DAB1: variants seen among roughly 807,000 people sequenced by gnomAD.
The protein encoded by DAB1 is DAB adaptor protein 1, also known as disabled homolog 1.
DAB1 carries 15 observed loss-of-function variants against 64.6 expected under a neutral mutation model. The ratio of observed to expected loss-of-function variants is 0.23; its 90% CI spans 0.16 to 0.36. The LOEUF (loss-of-function observed/expected upper bound fraction) is 0.36, where lower values mean the gene tolerates loss of function less well. Among genes scored for constraint, DAB1 ranks in the 10% least tolerant of loss-of-function variants. The pLI, the probability that DAB1 is intolerant of heterozygous loss-of-function variation, is 1.00. For missense variants in DAB1, 596 were observed against 706.7 expected (o/e 0.84, Z 1.78); for synonymous variants, 235 against 251.9 (o/e 0.93, Z 0.64).
chr1:57,516,366 C>T (rs576360127), intron 7 of DAB1, among the ~76,000 whole-genome samples: 1 of 152,274 alleles, frequency 6.6e-6, no homozygotes, highest in Non-Finnish European at 1.5e-5. Context: ...GAAGATTATA[C>T]AGAAGATATG....
At chr1:57,307,837 A>T (rs1297464662) in intron 1 of DAB1, among the ~76,000 whole-genome samples, 1 of 152,042 alleles carries the variant, frequency 6.6e-6, no homozygotes, top group Non-Finnish European at 1.5e-5. Context: ...AATTCAATCT[A>T]GACCACACCT....
chr1:58,409,784 A>G (rs1644649582), intron 3 of DAB1, among the ~76,000 whole-genome samples: 1 of 152,208 alleles, frequency 6.6e-6, no homozygotes, highest in Admixed American at 6.5e-5. Flanking sequence ...GAGGCCAAGG[A>G]CACTGAGCAC....
chr1:58,124,845 A>C (rs1363145268), intron 5 of DAB1, among the ~76,000 whole-genome samples: 1 of 152,236 alleles, frequency 6.6e-6, no homozygotes, highest in Non-Finnish European at 1.5e-5. Context: ...GAGATCACAC[A>C]CATAAAACAA....
chr1:57,977,165 C>A (rs1162907590), intron 5 of DAB1, among the ~76,000 whole-genome samples: 1 of 152,166 alleles, frequency 6.6e-6, no homozygotes, highest in Non-Finnish European at 1.5e-5. Flanking sequence ...TCCTATGCCT[C>A]AGCCAATCAG....
In DAB1 at chr1:58,374,103, C is replaced by G. The variant is rs1339391967; in HGVS notation, n.258-30700G>C. On this transcript the variant is annotated intron_variant and non_coding_transcript_variant, in intron 3 of 20. Transcript: ENST00000485760. ...CGCCCTTTGTCAGATGAGTAGGTTG[C>G]AAAAATTTTCTCCCGTGTTGTAGGT... 3.0e-5 allele frequency among the ~76,000 whole-genome samples: 2 copies of G among 66,422 alleles called. 1 individual carries two copies. Among genetic ancestry groups the G allele is most frequent in the Non-Finnish European group, 6.5e-5 (2 of 30,582 alleles). 43.6% of individuals were successfully genotyped at this position (66,422 alleles called of 152,430 possible). A position where few individuals can be genotyped will look rare whatever the true frequency, so the allele number is the denominator to read the frequency against.
intron 6 of DAB1, among the ~76,000 whole-genome samples, chr1:57,750,566 C>T (rs989044030): frequency 9.9e-5 from 15 of 152,278 alleles, no homozygotes; most frequent in African/African-American, 3.4e-4. Context: ...CTATCCCAGT[C>T]CCTAGATTGC....
intron 3 of DAB1, among the ~76,000 whole-genome samples, chr1:58,443,726 G>A (rs1251964213): frequency 6.6e-6 from 1 of 152,166 alleles, no homozygotes; most frequent in Non-Finnish European, 1.5e-5. Context: ...AAAGAGCAAA[G>A]TATAAAATAG....
At position 58,187,238 on chromosome 1, in the gene DAB1, C is replaced by T. The variant is rs151315030; in HGVS notation, n.310-36650G>A. On this transcript the variant is annotated intron_variant and non_coding_transcript_variant, in intron 4 of 20. Transcript: ENST00000485760. ...CTTTGGGAGGCTGAGGCAGGAGGAT[C>T]GCTCAAAGCCAGGAGTTCAAGTCCA... is the stretch of plus-strand genomic sequence containing the variant. 3.6e-4 allele frequency among the ~76,000 whole-genome samples: 55 copies of T among 151,164 alleles called. 1 individual carries two copies. In the East Asian group the frequency reaches 3.7e-3, roughly 10 times the overall value.
chr1:57,177,369 T>G (rs549215151), intron 2 of DAB1, among the ~76,000 whole-genome samples: 139 of 152,290 alleles, frequency 9.1e-4, no homozygotes, highest in Middle Eastern at 6.8e-3. Context: ...GCATTTGCTT[T>G]TCTCTTGTTA....
chr1:58,466,994 C>T (rs569616758), intron 3 of DAB1, among the ~76,000 whole-genome samples: 208 of 152,272 alleles, frequency 1.4e-3, no homozygotes, highest in Middle Eastern at 6.8e-3. Context: ...AGCAGATCTG[C>T]GGCTTGCCTT....
At chr1:58,171,350 A>T (rs1289245065) in intron 4 of DAB1, among the ~76,000 whole-genome samples, 1 of 152,200 alleles carries the variant, frequency 6.6e-6, no homozygotes, top group South Asian at 2.1e-4. Context: ...ATTACAGGAT[A>T]TTGTTAAACA....
At chr1:57,069,454 G>A (rs766315954) in intron 7 of DAB1, 29 bp from the exon 8 acceptor site, 4 of 1,585,214 alleles carry the variant, frequency 2.5e-6, no homozygotes, top group South Asian at 1.1e-5. Flanking sequence ...GAAAGGAAAG[G>A]TCAGAGGTGA....
chr1:57,612,923 C>T (rs1236152562), intron 7 of DAB1, among the ~76,000 whole-genome samples: 3 of 152,084 alleles, frequency 2.0e-5, no homozygotes, highest in Non-Finnish European at 4.4e-5. Flanking sequence ...GGTATGTGTA[C>T]ATGGGTGTCT....
At chr1:57,032,203 C>T (rs1646985524) in intron 9 of DAB1, among the ~76,000 whole-genome samples, 1 of 152,200 alleles carries the variant, frequency 6.6e-6, no homozygotes, top group African/African-American at 2.4e-5. Flanking sequence ...CACCTTCTCA[C>T]AGACCCATTC....
chr1:58,434,412 G>GA (rs35881373), intron 3 of DAB1, among the ~76,000 whole-genome samples: 32,450 of 140,192 alleles, frequency 0.23, 3,738 homozygotes, highest in Non-Finnish European at 0.28. Flanking sequence ...ATGAGAAAAA[G>GA]AAAAAAAAAA....
At chr1:58,482,275 T>C (rs916617635) in intron 3 of DAB1, among the ~76,000 whole-genome samples, 7 of 152,114 alleles carry the variant, frequency 4.6e-5, no homozygotes, top group Non-Finnish European at 7.4e-5. Context: ...AGTTAGAATG[T>C]AGCAACATAA....
At chr1:57,790,307 GC>G (rs1449621874) in intron 6 of DAB1, among the ~76,000 whole-genome samples, 1 of 152,162 alleles carries the variant, frequency 6.6e-6, no homozygotes, top group Admixed American at 6.5e-5. Context: ...TTTACAAGGG[GC>G]TTTCCCCGTG....
chr1:57,821,630 T>G (rs1014654974), downstream of DAB1, among the ~76,000 whole-genome samples: 1 of 152,132 alleles, frequency 6.6e-6, no homozygotes, highest in Non-Finnish European at 1.5e-5. Context: ...TTATATTGAG[T>G]AAGAGAATAT....
chr1:58,025,414 C>A lies in DAB1; in HGVS notation n.387+125097G>T, dbSNP rs527260747. Among the ~76,000 whole-genome samples, 424 of 151,812 alleles carry A rather than the reference C, an allele frequency of 2.8e-3. 1 individual carries two copies. Among genetic ancestry groups the A allele is most frequent in the African/African-American group, 9.5e-3 (394 of 41,418 alleles). ...TTATTAGCCATGTTTAGGAACCACC[C>A]AACTAAGTGGTTTGGTTGAGAAAAC... On this transcript the variant is annotated intron_variant and non_coding_transcript_variant, in intron 5 of 20. Coordinates refer to the DAB1 transcript ENST00000485760.
Sources: allele counts gnomAD v4.1 joint callset (sites outside exome capture counted in the v4.1 genomes callset), GRCh38; gene constraint gnomAD v4.1.1; transcripts MANE v1.5; gene names NCBI Gene and HGNC (gene_info 2026-07-23, HGNC 2026-07-21).